FHIP1A: variants seen among roughly 807,000 people sequenced by gnomAD.
The protein encoded by FHIP1A is FHF complex subunit HOOK-interacting protein 1A.
FHIP1A carries 61 observed loss-of-function variants against 88.6 expected under a neutral mutation model. The ratio of observed to expected loss-of-function variants is 0.69; its 90% CI spans 0.56 to 0.85. FHIP1A has a LOEUF of 0.85. Ranked by LOEUF, FHIP1A falls within the 40% of genes least tolerant of loss-of-function variation. The pLI is 0.00. For missense variants in FHIP1A, 1,154 were observed against 1,273.5 expected, an observed-to-expected ratio of 0.91 and a Z score of 1.43; for synonymous variants, 478 against 496.0, an observed-to-expected ratio of 0.96 and a Z score of 0.48.
intron 7 of FHIP1A, among the ~76,000 whole-genome samples, chr4:151,601,860 AAAG>A (rs1466716810): frequency 6.6e-6 from 1 of 151,846 alleles, no homozygotes; most frequent in African/African-American, 2.4e-5. Context: ...CTGGGAAGAA[AAAG>A]AAGTTTAATG....
intron 7 of FHIP1A, among the ~76,000 whole-genome samples, chr4:151,603,798 A>G (rs1734966917): frequency 6.6e-6 from 1 of 152,156 alleles, no homozygotes; most frequent in Non-Finnish European, 1.5e-5. Flanking sequence ...TATAGTGCCA[A>G]CCTTTTCCTG....
intron 13 of FHIP1A, among the ~76,000 whole-genome samples, chr4:151,661,920 A>T (rs1278108068): frequency 6.6e-6 from 1 of 152,080 alleles, no homozygotes; most frequent in Non-Finnish European, 1.5e-5. Context: ...ATCTCAAGGA[A>T]TCTTCCGCTC....
intron 2 of FHIP1A, among the ~76,000 whole-genome samples, chr4:151,461,418 G>T (rs1364626468): frequency 6.6e-6 from 1 of 152,126 alleles, no homozygotes; most frequent in African/African-American, 2.4e-5. Flanking sequence ...TCATTCTCGT[G>T]ACAATACCAT....
At chr4:151,587,194 G>A (rs1560784866) in intron 6 of FHIP1A, among the ~76,000 whole-genome samples, 2 of 152,036 alleles carry the variant, frequency 1.3e-5, no homozygotes, top group African/African-American at 2.4e-5. Context: ...GCTTAATGGC[G>A]CATACTACAT....
At chr4:151,587,084 C>G (rs1283846354) in intron 6 of FHIP1A, among the ~76,000 whole-genome samples, 1 of 139,662 alleles carries the variant, frequency 7.2e-6, no homozygotes, top group African/African-American at 2.6e-5. Context: ...CAATGCCTGA[C>G]TCATTAAATA....
intron 3 of FHIP1A, among the ~76,000 whole-genome samples, chr4:151,498,822 GA>G (rs374200879): frequency 1.3e-5 from 2 of 151,764 alleles, no homozygotes; most frequent in East Asian, 1.9e-4. Context: ...TCTCAAAAAA[GA>G]AAAAAAATAT....
rs772197983 is a variant in FHIP1A, at chr4:151,650,382, C to T, written c.2341C>T (p.Leu781Phe). ...EQNYPTPDPL[L>F]LTKEEEGKEE... is the part of the protein sequence containing the mutation. ...GAATTACCCCACACCTGATCCCTTG[C>T]TTCTCACTAAGGAGGAAGAAGGGAA... The change falls in exon 11 of 14, where the codon CTT becomes TTT. Residue 781 changes from leucine (L) to phenylalanine (F), a missense_variant. Leu to Phe is a conservative substitution (Grantham distance 22). Coordinates refer to ENST00000435205, the MANE Select transcript of FHIP1A (RefSeq NM_001109977.3). 2 of 1,551,682 alleles carry T rather than the reference C, an allele frequency of 1.3e-6. No individual in the cohort carries two copies. The highest frequency in any genetic ancestry group is 2.4e-5 in the South Asian group (2 of 84,052).
intron 3 of FHIP1A, among the ~76,000 whole-genome samples, chr4:151,514,515 G>T (rs560999294): frequency 6.6e-6 from 1 of 151,638 alleles, no homozygotes; most frequent in African/African-American, 2.4e-5. Context: ...GAATCCAGGA[G>T]CTGGTTTTTT....
At chr4:151,614,580 T>A (rs2126852908) in intron 7 of FHIP1A, among the ~76,000 whole-genome samples, 1 of 152,300 alleles carries the variant, frequency 6.6e-6, no homozygotes, top group African/African-American at 2.4e-5. Flanking sequence ...CCATATTTGA[T>A]AACCAGTATT....
chr4:151,630,317 T>C (rs1267923305), intron 8 of FHIP1A, among the ~76,000 whole-genome samples: 1 of 152,166 alleles, frequency 6.6e-6, no homozygotes, highest in African/African-American at 2.4e-5. Context: ...ATTTGGGTGG[T>C]CATTCTTCAT....
intron 3 of FHIP1A, among the ~76,000 whole-genome samples, chr4:151,561,792 G>C (rs1733183413): frequency 6.6e-6 from 1 of 151,982 alleles, no homozygotes; most frequent in African/African-American, 2.4e-5. Context: ...ATTTACTGTG[G>C]CTGATTCCTG....
chr4:151,606,330 A>G (rs1735073376), intron 7 of FHIP1A, among the ~76,000 whole-genome samples: 1 of 152,146 alleles, frequency 6.6e-6, no homozygotes, highest in South Asian at 2.1e-4. Flanking sequence ...AACGTCTTGA[A>G]GTTTTATGCC....
rs969864863 is a variant in FHIP1A, at chr4:151,664,570, C to T, written c.*1816C>T. Among the ~76,000 whole-genome samples the T allele has an allele frequency of 6.6e-6, 1 of 152,236 alleles. No homozygotes were observed. Among genetic ancestry groups the T allele is most frequent in the African/African-American group, 2.4e-5 (1 of 41,468 alleles). ...GGTGCAGCAGCCAGAAGGGATGAAG[C>T]ACAGCAGACTGGTCTGCTTCTGGCT... On this transcript the variant is annotated 3_prime_UTR_variant, in exon 14 of 14. Transcript: ENST00000435205.
intron 2 of FHIP1A, among the ~76,000 whole-genome samples, chr4:151,472,193 T>A (rs1040304083): frequency 6.6e-5 from 10 of 152,180 alleles, no homozygotes; most frequent in Non-Finnish European, 1.3e-4. Context: ...CATATTACCA[T>A]TAAATTAGAG....
intron 2 of FHIP1A, among the ~76,000 whole-genome samples, chr4:151,463,467 A>G (rs1472741796): frequency 6.6e-6 from 1 of 152,252 alleles, no homozygotes; most frequent in East Asian, 1.9e-4. Context: ...TTGGCATTCC[A>G]GGAATGGATG....
chr4:151,443,646 T>C, intron 1 of FHIP1A, among the ~76,000 whole-genome samples: 1 of 147,592 alleles, frequency 6.8e-6, no homozygotes, highest in East Asian at 2.0e-4. Flanking sequence ...TTTCCTCAGT[T>C]ATCCCTCTTC....
In FHIP1A at chr4:151,634,481, T is replaced by C. The variant is rs547365083; in HGVS notation, c.1147-4196T>C. On this transcript the variant is annotated intron_variant, in intron 8 of 13. Transcript: ENST00000435205. The stretch of plus-strand genomic sequence containing the variant: ...ATAATATTGAAAAAGAAGGAAAAAG[T>C]TGGAGAGCTCACATTTCCTTAAAAC... Among the ~76,000 whole-genome samples the C allele has an allele frequency of 8.6e-5, 13 of 151,788 alleles. No individual in the cohort carries two copies. The South Asian group carries it at 1.7e-3, about 19-fold the overall frequency.
chr4:151,454,191 T>C, intron 1 of FHIP1A, among the ~76,000 whole-genome samples: 1 of 152,208 alleles, frequency 6.6e-6, no homozygotes, highest in East Asian at 1.9e-4. Context: ...TTTTTAATTA[T>C]CACTGGATTA....
At chr4:151,504,002 T>C (rs1310284762) in intron 3 of FHIP1A, among the ~76,000 whole-genome samples, 1 of 152,202 alleles carries the variant, frequency 6.6e-6, no homozygotes, top group Non-Finnish European at 1.5e-5. Flanking sequence ...GTAAATGTTC[T>C]CCAACTTGTT....
Sources: gnomAD v4.1 joint callset for allele counts (sites outside exome capture counted in the v4.1 genomes callset) on GRCh38, gnomAD v4.1.1 for gene constraint, MANE v1.5 for transcripts, NCBI Gene and HGNC (gene_info 2026-07-23, HGNC 2026-07-21) for gene names.